The following RCOR1 variants were observed in gnomAD, a reference collection of about 807,000 sequenced individuals.
The protein encoded by RCOR1 is REST corepressor.
Under a neutral mutation model 64.0 loss-of-function variants are expected in RCOR1, and 12 were observed. The ratio of observed to expected loss-of-function variants is 0.19; its 90% CI spans 0.12 to 0.30. The LOEUF is 0.30. Among genes scored for constraint, RCOR1 ranks in the 10% least tolerant of loss-of-function variants. The pLI is 1.00. For missense variants in RCOR1, 502 were observed against 621.2 expected (o/e 0.81, Z 2.04); for synonymous variants, 279 against 227.2 (o/e 1.23, Z -2.05).
chr14:102,658,261 C>T (rs1894765676), intron 2 of RCOR1, among the ~76,000 whole-genome samples: 1 of 152,096 alleles, frequency 6.6e-6, no homozygotes, highest in Non-Finnish European at 1.5e-5. Flanking sequence ...AGGTGTGAGC[C>T]ACTGTGCTGG....
intron 2 of RCOR1, among the ~76,000 whole-genome samples, chr14:102,624,143 C>A (rs139264795): frequency 6.6e-5 from 10 of 152,096 alleles, no homozygotes; most frequent in East Asian, 3.9e-4. Flanking sequence ...TTGCAGTGAG[C>A]TGAAATTGCG....
At chr14:102,711,432 G>A (rs1895955515) in intron 7 of RCOR1, among the ~76,000 whole-genome samples, 1 of 152,216 alleles carries the variant, frequency 6.6e-6, no homozygotes, top group East Asian at 1.9e-4. Flanking sequence ...GCAGGGACTC[G>A]GCACAGCCCT....
intron 2 of RCOR1, among the ~76,000 whole-genome samples, chr14:102,624,457 A>T (rs984897201): frequency 2.0e-5 from 3 of 152,046 alleles, no homozygotes; most frequent in Non-Finnish European, 4.4e-5. Flanking sequence ...GTGAGCCAAG[A>T]TCATGCCAAC....
chr14:102,617,107 G>A (rs1479552277), intron 2 of RCOR1, among the ~76,000 whole-genome samples: 1 of 152,186 alleles, frequency 6.6e-6, no homozygotes, highest in African/African-American at 2.4e-5. Flanking sequence ...TGAAAGTGAT[G>A]ATAGCAGAAA....
chr14:102,679,336 T>C (rs1895255818), intron 2 of RCOR1, among the ~76,000 whole-genome samples: 1 of 152,208 alleles, frequency 6.6e-6, no homozygotes, highest in Non-Finnish European at 1.5e-5. Context: ...TGTTTTTGCA[T>C]GTGAATATTC....
At chr14:102,654,745 T>C (rs1234338286) in intron 2 of RCOR1, among the ~76,000 whole-genome samples, 2 of 149,742 alleles carry the variant, frequency 1.3e-5, no homozygotes, top group East Asian at 1.9e-4. Flanking sequence ...AAAAAAAATA[T>C]AGAATTGGTA....
intron 2 of RCOR1, among the ~76,000 whole-genome samples, chr14:102,633,851 C>T (rs1418657383): frequency 6.6e-6 from 1 of 152,068 alleles, no homozygotes; most frequent in Non-Finnish European, 1.5e-5. Context: ...GGAGTTTGTT[C>T]TTAACAGAAT....
At chr14:102,719,610 TG>T (rs148463730) in intron 8 of RCOR1, among the ~76,000 whole-genome samples, 5,571 of 152,268 alleles carry the variant, frequency 0.037, 149 homozygotes, top group Non-Finnish European at 0.049. Flanking sequence ...TAGTATTCCA[TG>T]GTATATATGC....
chr14:102,593,302 C>A lies in RCOR1; in HGVS notation c.338C>A (p.Ala113Glu). 6.5e-7 allele frequency: 1 copy of A among 1,548,168 alleles called. No individual in the cohort carries two copies. The highest frequency in any genetic ancestry group is 8.7e-7 in the Non-Finnish European group (1 of 1,153,570). The change falls in exon 2 of 12, where the codon GCG (alanine) becomes GAG (glutamate). Residue 113 changes from alanine (A) to glutamate (E), a missense_variant. Transcript: ENST00000262241. Reference sequence around the variant, plus strand: ...ATGAGGGTCGGACCCCAGTACCAGGCGGTGGTGCCCGACTTCGACCCCGGT... The same window carrying A: ...ATGAGGGTCGGACCCCAGTACCAGGAGGTGGTGCCCGACTTCGACCCCGGT... ...GGMRVGPQYQ[A>E]VVPDFDPAKL...
intron 2 of RCOR1, among the ~76,000 whole-genome samples, chr14:102,631,468 G>T (rs1205821153): frequency 6.6e-6 from 1 of 152,030 alleles, no homozygotes; most frequent in African/African-American, 2.4e-5. Flanking sequence ...CTCCCAAAGT[G>T]CTGGGATTAC....
At chr14:102,722,128 G>T (rs1395889127) in intron 10 of RCOR1, 59 bp from the exon 11 acceptor site, 1 of 1,269,494 alleles carries the variant, frequency 7.9e-7, no homozygotes, top group African/African-American at 1.5e-5. Flanking sequence ...AGTGTCACTT[G>T]TGGTTTTAAA....
chr14:102,628,792 G>A (rs1027497628), intron 2 of RCOR1, among the ~76,000 whole-genome samples: 2 of 152,148 alleles, frequency 1.3e-5, no homozygotes, highest in African/African-American at 4.8e-5. Context: ...GACCTCAAGT[G>A]ATCCACCCAC....
At chr14:102,675,262 C>T (rs941952555) in intron 2 of RCOR1, among the ~76,000 whole-genome samples, 1 of 151,882 alleles carries the variant, frequency 6.6e-6, no homozygotes, top group Non-Finnish European at 1.5e-5. Context: ...CTCCCTTATC[C>T]ATGAAAGGTA....
intron 2 of RCOR1, among the ~76,000 whole-genome samples, chr14:102,594,174 C>T (rs920012352): frequency 3.3e-5 from 5 of 152,158 alleles, no homozygotes; most frequent in Admixed American, 6.6e-5. Flanking sequence ...AGATTCTAGC[C>T]AGTGTCTGTA....
chr14:102,701,780 C>T (rs920663282), intron 4 of RCOR1, among the ~76,000 whole-genome samples: 8 of 152,134 alleles, frequency 5.3e-5, no homozygotes, highest in African/African-American at 1.7e-4. Flanking sequence ...AGTGCAGTGG[C>T]GCATCTCAGC....
chr14:102,618,439 A>T (rs1413166367), intron 2 of RCOR1, among the ~76,000 whole-genome samples: 2 of 151,754 alleles, frequency 1.3e-5, no homozygotes, highest in Non-Finnish European at 2.9e-5. Context: ...GAGTGAGACC[A>T]TGTCTTCAGG....
intron 2 of RCOR1, among the ~76,000 whole-genome samples, chr14:102,644,475 A>G (rs1283612783): frequency 2.0e-5 from 3 of 152,046 alleles, no homozygotes; most frequent in South Asian, 2.1e-4. Context: ...AATCTACCAC[A>G]TTTTCTCATT....
chr14:102,717,315 C>T (rs1363864640), intron 8 of RCOR1, among the ~76,000 whole-genome samples: 1 of 152,226 alleles, frequency 6.6e-6, no homozygotes, highest in Non-Finnish European at 1.5e-5. Flanking sequence ...GAAGGTCAAA[C>T]AGTAGACCAA....
At chr14:102,699,654 A>G (rs2139977045) in intron 3 of RCOR1, among the ~76,000 whole-genome samples, 1 of 152,234 alleles carries the variant, frequency 6.6e-6, no homozygotes. Context: ...TGTTTTCTCT[A>G]AGTTTGGCCA....
Sources: allele counts gnomAD v4.1 joint callset (sites outside exome capture counted in the v4.1 genomes callset), GRCh38; gene constraint gnomAD v4.1.1; transcripts MANE v1.5; gene names NCBI Gene and HGNC (gene_info 2026-07-23, HGNC 2026-07-21).